DSCAM: variants seen among roughly 807,000 people sequenced by gnomAD.
The protein encoded by DSCAM is cell adhesion molecule DSCAM.
DSCAM carries 47 observed loss-of-function variants against 217.7 expected under a neutral mutation model. The observed-to-expected ratio is 0.22, with a 90% CI of 0.17 to 0.28. The LOEUF is 0.28. DSCAM is among the 10% of genes least tolerant of loss of function. The pLI is 1.00. For synonymous variants in DSCAM, 1,056 were observed against 1,015.3 expected (o/e 1.04, Z -0.76); for missense variants, 2,080 against 2,618.3 (o/e 0.79, Z 4.49).
At chr21:40,431,451 G>A (rs574685100) in intron 3 of DSCAM, among the ~76,000 whole-genome samples, 32 of 149,344 alleles carry the variant, frequency 2.1e-4, no homozygotes, top group Non-Finnish European at 4.4e-4. Flanking sequence ...TGAGGACAAA[G>A]ACCTTTATGA....
intron 3 of DSCAM, among the ~76,000 whole-genome samples, chr21:40,565,050 T>C (rs73366915): frequency 0.039 from 5,944 of 152,186 alleles, 326 homozygotes; most frequent in African/African-American, 0.12. Flanking sequence ...TAAGGCCATG[T>C]TGTGAAGACA....
At chr21:40,624,691 T>C (rs1484682549) in intron 3 of DSCAM, among the ~76,000 whole-genome samples, 1 of 152,114 alleles carries the variant, frequency 6.6e-6, no homozygotes, top group Non-Finnish European at 1.5e-5. Context: ...GAAAATTGTG[T>C]ATAGAAGTCA....
At chr21:40,294,692 G>GAAA (rs1192494028) in intron 10 of DSCAM, among the ~76,000 whole-genome samples, 1 of 152,192 alleles carries the variant, frequency 6.6e-6, no homozygotes, top group Non-Finnish European at 1.5e-5. Context: ...AAATGTCATG[G>GAAA]AAAATGTCCA....
Position 40,518,524 on chromosome 21 carries a change from TA to T in DSCAM, c.509-149280del, listed in dbSNP as rs1287354258. 4.8e-3 allele frequency among the ~76,000 whole-genome samples: 245 copies of T among 51,438 alleles called. 25 individuals carry two copies. Among genetic ancestry groups the T allele is most frequent in the Middle Eastern group, 0.018 (2 of 110 alleles). 33.7% of individuals were successfully genotyped at this position (51,438 alleles called of 152,430 possible). On this transcript the variant is annotated intron_variant, in intron 3 of 32. Coordinates refer to ENST00000400454, the MANE Select transcript of DSCAM (RefSeq NM_001389.5). ...TTATATATATAATATATATAATATA[TA>T]TTTTATATATATATATGTACACACA...
rs529180706 is a variant in DSCAM, at chr21:40,739,669, C to T, written c.44-30898G>A. Among the ~76,000 whole-genome samples the T allele has an allele frequency of 3.9e-5, 6 of 152,254 alleles. No individual in the cohort carries two copies. In the East Asian group the frequency reaches 7.7e-4, roughly 20 times the overall value. On this transcript the variant is annotated intron_variant, in intron 1 of 32. Transcript: ENST00000400454. ...CCAAATCCAGTCACATCCCGAGGTA[C>T]TGGGGGTTAGGAATTCAACATATAA...
intron 11 of DSCAM, among the ~76,000 whole-genome samples, chr21:40,224,367 A>G (rs1046346195): frequency 6.6e-6 from 1 of 152,234 alleles, no homozygotes; most frequent in Non-Finnish European, 1.5e-5. Flanking sequence ...TTTTGTTCTT[A>G]GTCAATTGTT....
chr21:40,464,987 C>T (rs140450418), intron 3 of DSCAM, among the ~76,000 whole-genome samples: 146 of 152,194 alleles, frequency 9.6e-4, no homozygotes, highest in Middle Eastern at 3.4e-3. Flanking sequence ...GATCCGCCTG[C>T]CTTGGCCTCC....
chr21:40,582,089 C>T (rs190795363), intron 3 of DSCAM, among the ~76,000 whole-genome samples: 1 of 152,164 alleles, frequency 6.6e-6, no homozygotes, highest in African/African-American at 2.4e-5. Flanking sequence ...GGTCCTAAAG[C>T]CCAGTATTTA....
rs551597031 is a variant in DSCAM, at chr21:40,482,019, T to C, written c.509-112774A>G. ...TGAAACCAGAAATCTCAGAAGTGTCTGAAGTCACTATAATTACCATGGCAA... is the reference window on the plus strand; with the variant it reads ...TGAAACCAGAAATCTCAGAAGTGTCCGAAGTCACTATAATTACCATGGCAA... On this transcript the variant is annotated intron_variant, in intron 3 of 32. Coordinates refer to ENST00000400454, the MANE Select transcript of DSCAM (RefSeq NM_001389.5). 9.2e-5 allele frequency among the ~76,000 whole-genome samples: 14 copies of C among 152,310 alleles called. 1 individual carries two copies. The South Asian group carries it at 2.7e-3, about 29-fold the overall frequency.
In DSCAM at chr21:40,616,744, G is replaced by T. The variant is rs142395692; in HGVS notation, c.508+76066C>A. ...ACTTAAGAATGGTTATTGGCCGGGC[G>T]CGGTGGCTCACGCCTGTAATCCCAG... On this transcript the variant is annotated intron_variant, in intron 3 of 32. Transcript: ENST00000400454. Among the ~76,000 whole-genome samples the T allele has an allele frequency of 8.8e-3, 1,343 of 152,248 alleles. 19 individuals carry two copies. The highest frequency in any genetic ancestry group is 0.03 in the African/African-American group (1,251 of 41,560).
chr21:40,354,226 C>T (rs1454700847), intron 4 of DSCAM, among the ~76,000 whole-genome samples: 2 of 152,064 alleles, frequency 1.3e-5, no homozygotes, highest in Non-Finnish European at 1.5e-5. Flanking sequence ...ATAATTATAG[C>T]TTAAAGAAAA....
At chr21:40,039,776 G>A (rs1472487013) in intron 32 of DSCAM, among the ~76,000 whole-genome samples, 2 of 152,102 alleles carry the variant, frequency 1.3e-5, no homozygotes, top group African/African-American at 2.4e-5. Flanking sequence ...AATTTGCAGA[G>A]AATTTCAAAG....
intron 32 of DSCAM, 73 bp downstream of exon 32, chr21:40,042,298 C>T (rs1165309373): frequency 3.9e-6 from 6 of 1,528,844 alleles, no homozygotes; most frequent in Non-Finnish European, 4.4e-6. Context: ...GAAGGGCTTT[C>T]ACAGCAGATG....
chr21:40,205,301 T>A (rs536038646), intron 11 of DSCAM, among the ~76,000 whole-genome samples: 1 of 152,314 alleles, frequency 6.6e-6, no homozygotes, highest in South Asian at 2.1e-4. Context: ...TGCTCCTTCA[T>A]GCAAGTAAGT....
At chr21:40,174,524 T>C (rs2090700045) in intron 15 of DSCAM, among the ~76,000 whole-genome samples, 1 of 136,850 alleles carries the variant, frequency 7.3e-6, no homozygotes, top group South Asian at 2.3e-4. Context: ...TATGGGCCCA[T>C]GTTATTCTTT....
intron 3 of DSCAM, among the ~76,000 whole-genome samples, chr21:40,612,252 C>T (rs1358053407): frequency 2.6e-5 from 4 of 152,154 alleles, no homozygotes; most frequent in African/African-American, 4.8e-5. Flanking sequence ...TGAATTCTGA[C>T]TGGTCCTACT....
chr21:40,633,229 G>A (rs1191324977), intron 3 of DSCAM, among the ~76,000 whole-genome samples: 2 of 152,140 alleles, frequency 1.3e-5, no homozygotes, highest in African/African-American at 4.8e-5. Flanking sequence ...GCAGAGAGTG[G>A]CAGTCTGAAA....
Position 40,042,964 on chromosome 21 carries a change from T to C in DSCAM, c.5384-291A>G, listed in dbSNP as rs116058707. ...GCCTTCCCTTTAAAAAAAATCCTGC[T>C]TTTAGTGAAAACAGTAGGAGCCAGG... is the stretch of plus-strand genomic sequence containing the variant. On this transcript the variant is annotated intron_variant, in intron 31 of 32. Coordinates refer to ENST00000400454, the MANE Select transcript of DSCAM (RefSeq NM_001389.5). Among the ~76,000 whole-genome samples, 511 of 152,320 alleles carry C rather than the reference T, an allele frequency of 3.4e-3. 4 individuals are homozygous for C. The highest frequency in any genetic ancestry group is 0.012 in the African/African-American group (489 of 41,576).
chr21:40,149,799 ATCCATCAC>A (rs1236751380), intron 16 of DSCAM, among the ~76,000 whole-genome samples: 1 of 149,866 alleles, frequency 6.7e-6, no homozygotes, highest in Non-Finnish European at 1.5e-5. Flanking sequence ...CACCACCACC[ATCCATCAC>A]TCCATCACAA....
Sources: gnomAD v4.1 joint callset for allele counts (sites outside exome capture counted in the v4.1 genomes callset) on GRCh38, gnomAD v4.1.1 for gene constraint, MANE v1.5 for transcripts, NCBI Gene and HGNC (gene_info 2026-07-23, HGNC 2026-07-21) for gene names.